FAM76A: variants seen among roughly 807,000 people sequenced by gnomAD.
FAM76A encodes family with sequence similarity 76 member A.
In FAM76A, 32 loss-of-function variants were observed where a neutral mutation model predicts 46.2. That is an observed-to-expected ratio of 0.69 (90% CI 0.52 to 0.93). The LOEUF is 0.93. Among genes scored for constraint, FAM76A ranks in the 40% least tolerant of loss-of-function variants. The pLI, the probability that FAM76A is intolerant of heterozygous loss-of-function variation, is 0.00. For synonymous variants in FAM76A, 137 were observed against 127.0 expected (o/e 1.08, Z -0.53); for missense variants, 274 against 361.5 (o/e 0.76, Z 1.96).
intron 7 of FAM76A, among the ~76,000 whole-genome samples, chr1:27,758,080 T>G (rs1474276845): frequency 1.3e-5 from 2 of 152,166 alleles, no homozygotes; most frequent in Non-Finnish European, 1.5e-5. Context: ...CTCCCCTGGC[T>G]CTTTATGTTG....
At chr1:27,757,190 T>G (rs2088424904) in intron 7 of FAM76A, among the ~76,000 whole-genome samples, 1 of 116,406 alleles carries the variant, frequency 8.6e-6, no homozygotes, top group Non-Finnish European at 1.8e-5. Context: ...CATTTATTCT[T>G]TTTTTTTTTT....
chr1:27,757,151 CTGTTT>C (rs1365039266), intron 7 of FAM76A, among the ~76,000 whole-genome samples: 1 of 140,440 alleles, frequency 7.1e-6, no homozygotes, highest in Non-Finnish European at 1.5e-5. Context: ...GTGCCTAGCT[CTGTTT>C]TAAGTGCTTT....
intron 7 of FAM76A, among the ~76,000 whole-genome samples, chr1:27,757,685 A>G (rs1396763175): frequency 6.6e-6 from 1 of 151,948 alleles, no homozygotes; most frequent in African/African-American, 2.4e-5. Flanking sequence ...TTCTTATAAA[A>G]AGCCTTTGAG....
chr1:27,745,834 C>T (rs914511330), intron 5 of FAM76A, among the ~76,000 whole-genome samples: 2 of 152,046 alleles, frequency 1.3e-5, no homozygotes, highest in Admixed American at 1.3e-4. Flanking sequence ...GGGCATGAGA[C>T]CAAATGGAAC....
chr1:27,750,029 G>A (rs974349955), intron 6 of FAM76A, among the ~76,000 whole-genome samples: 2 of 152,114 alleles, frequency 1.3e-5, no homozygotes, highest in African/African-American at 4.8e-5. Context: ...TCAACAAAGT[G>A]TTGGGACCAA....
rs2087851231 is a variant in FAM76A, at chr1:27,726,035, T to TCGGCGGGCCGGGC, written c.-38_-26dup. On this transcript the variant is annotated 5_prime_UTR_variant, in exon 1 of 9. Transcript: ENST00000373954. ...GTTGTGCCTCAGACTGTCAGATAAA[T>TCGGCGGGCCGGGC]CGGCGGGCCGGGCCGGCGGGTCGGT... The TCGGCGGGCCGGGC allele has an allele frequency of 8.0e-7, 1 of 1,251,016 alleles. No homozygotes were observed. The highest frequency in any genetic ancestry group is 1.0e-6 in the Non-Finnish European group (1 of 995,230). 77.5% of individuals were successfully genotyped at this position (1,251,016 alleles called of 1,614,324 possible). A position where few individuals can be genotyped will look rare whatever the true frequency, so the allele number is the denominator to read the frequency against.
At chr1:27,754,298 G>A (rs1444064822) in intron 6 of FAM76A, among the ~76,000 whole-genome samples, 1 of 151,870 alleles carries the variant, frequency 6.6e-6, no homozygotes, top group Non-Finnish European at 1.5e-5. Context: ...TAGAGATGAG[G>A]TTTCTCCATG....
intron 4 of FAM76A, among the ~76,000 whole-genome samples, chr1:27,735,655 C>T (rs1249704166): frequency 6.6e-6 from 1 of 152,170 alleles, no homozygotes; most frequent in South Asian, 2.1e-4. Context: ...GGAGGTAGCA[C>T]AAGCAGCAGT....
In FAM76A at chr1:27,759,540, G is replaced by C; in HGVS notation, c.750G>C (p.Lys250Asn). 6.2e-7 allele frequency: 1 copy of C among 1,612,596 alleles called. No individual in the cohort carries two copies. The highest frequency in any genetic ancestry group is 8.5e-7 in the Non-Finnish European group (1 of 1,179,260). ...GTTTCCCTCAGATTACAGAGTTGAAGGCTGATTTTCAGTACCAGGAATCGC... is the reference window on the plus strand; with the variant it reads ...GTTTCCCTCAGATTACAGAGTTGAACGCTGATTTTCAGTACCAGGAATCGC... ...LEKEKKITEL[K>N]ADFQYQESQM... is the part of the protein sequence containing the mutation. Residue 250 changes from lysine to asparagine, a missense_variant, in exon 8 of 9, where the codon AAG (lysine) becomes AAC (asparagine). Lys to Asn is a moderately conservative substitution (Grantham distance 94, BLOSUM62 0). Coordinates refer to ENST00000373954, the MANE Select transcript of FAM76A (RefSeq NM_152660.3).
In FAM76A at chr1:27,726,080, C is replaced by T. The variant is rs1218866109; in HGVS notation, c.-1C>T. On this transcript the variant is annotated 5_prime_UTR_variant, in exon 1 of 9. Transcript: ENST00000373954. ...GTCGGTGAGCGCGGCCCGGGCCGGA[C>T]ATGGCGGCGCTCTACGCCTGCACCA... 50 of 1,260,476 alleles carry T rather than the reference C, an allele frequency of 4.0e-5. No individual in the cohort carries two copies. The highest frequency in any genetic ancestry group is 4.7e-5 in the Non-Finnish European group (47 of 1,001,872). 78.1% of individuals were successfully genotyped at this position (1,260,476 alleles called of 1,614,324 possible). A position where few individuals can be genotyped will look rare whatever the true frequency, so the allele number is the denominator to read the frequency against.
chr1:27,726,655 CT>C (rs1057243337), intron 1 of FAM76A, among the ~76,000 whole-genome samples: 14 of 150,744 alleles, frequency 9.3e-5, no homozygotes, highest in African/African-American at 3.4e-4. Flanking sequence ...AAGCATCTCA[CT>C]TTTCGGCCAG....
intron 5 of FAM76A, among the ~76,000 whole-genome samples, chr1:27,745,795 T>C (rs1426454423): frequency 6.6e-6 from 1 of 152,170 alleles, no homozygotes; most frequent in Non-Finnish European, 1.5e-5. Context: ...CATTCTAGGC[T>C]GAGAGAATAG....
At chr1:27,747,883 G>A (rs2088265919) in intron 5 of FAM76A, among the ~76,000 whole-genome samples, 1 of 152,024 alleles carries the variant, frequency 6.6e-6, no homozygotes, top group South Asian at 2.1e-4. Flanking sequence ...TCGTGCCACT[G>A]CACTCCAGCT....
chr1:27,737,077 G>A (rs1465726646), intron 4 of FAM76A, among the ~76,000 whole-genome samples: 2 of 152,086 alleles, frequency 1.3e-5, no homozygotes, highest in Non-Finnish European at 2.9e-5. Flanking sequence ...AGCCTCCCGA[G>A]TAGCTGGGAT....
chr1:27,727,501 G>A lies in FAM76A; in HGVS notation c.111G>A (p.Lys37=). 6.2e-7 allele frequency: 1 copy of A among 1,613,932 alleles called. No individual in the cohort carries two copies. The change falls in exon 2 of 9, where the codon AAG becomes AAA. Residue 37 remains lysine, a synonymous_variant. Transcript: ENST00000373954. ...GTCGGATTGCACACCCTGTTGTGAA[G>A]TGCACCTACTGCAGGACTGAGTACC... The part of the protein sequence containing the change: ...KECRIAHPVV[K]CTYCRTEYQQ...
chr1:27,731,915 G>A (rs981329738), intron 2 of FAM76A, among the ~76,000 whole-genome samples: 20 of 152,102 alleles, frequency 1.3e-4, no homozygotes, highest in East Asian at 7.8e-4. Flanking sequence ...TCCGCCTCCC[G>A]GGTTCAAGTG....
intron 7 of FAM76A, among the ~76,000 whole-genome samples, chr1:27,755,818 T>C (rs1366251240): frequency 6.6e-6 from 1 of 152,174 alleles, no homozygotes; most frequent in African/African-American, 2.4e-5. Context: ...TAAGTGATCC[T>C]TCCATTTTAG....
intron 6 of FAM76A, among the ~76,000 whole-genome samples, chr1:27,753,345 GCTCATTACT>G (rs1378936972): frequency 2.6e-5 from 4 of 152,146 alleles, no homozygotes; most frequent in Admixed American, 6.5e-5. Context: ...ACTTACATTA[GCTCATTACT>G]CTAGTTATGG....
chr1:27,726,381 C>T (rs543198326), intron 1 of FAM76A, among the ~76,000 whole-genome samples: 99 of 152,272 alleles, frequency 6.5e-4, no homozygotes, highest in African/African-American at 2.3e-3. Context: ...GCTTAGCAAC[C>T]GTGGGGATTG....
Sources: allele counts gnomAD v4.1 joint callset (sites outside exome capture counted in the v4.1 genomes callset), GRCh38; gene constraint gnomAD v4.1.1; transcripts MANE v1.5; gene names NCBI Gene and HGNC (gene_info 2026-07-23, HGNC 2026-07-21).